DEK: variants seen among roughly 807,000 people sequenced by gnomAD.
DEK encodes the protein DEK proto-oncogene.
DEK carries 28 observed loss-of-function variants against 46.8 expected under a neutral mutation model. That is an observed-to-expected ratio of 0.60 (90% CI 0.44 to 0.82). The LOEUF (loss-of-function observed/expected upper bound fraction) is 0.82, where lower values mean the gene tolerates loss of function less well. Among genes scored for constraint, DEK ranks in the 40% least tolerant of loss-of-function variants. The probability of loss-of-function intolerance (pLI) is 0.00; values close to 1 mark genes in which losing one functional copy is unlikely to be tolerated. For synonymous variants in DEK, 160 were observed against 144.5 expected (o/e 1.11, Z -0.77); for missense variants, 416 against 430.6 (o/e 0.97, Z 0.30).
chr6:18,252,509 C>CAAT (rs1791425353), intron 6 of DEK, among the ~76,000 whole-genome samples: 1 of 29,144 alleles, frequency 3.4e-5, no homozygotes, highest in African/African-American at 1.2e-4. Flanking sequence ...ACGCTGTCTC[C>CAAT]AAAAAAAAAA....
Position 18,223,900 on chromosome 6 carries a change from T to TC in DEK, c.*1818dup, listed in dbSNP as rs1195391200. The TC allele has an allele frequency of 1.3e-5, 2 of 152,226 alleles. No individual in the cohort carries two copies. The highest frequency in any genetic ancestry group is 4.8e-5 in the African/African-American group (2 of 41,442). 9.4% of individuals were successfully genotyped at this position (152,226 alleles called of 1,614,324 possible). ...ACATCCATTTAATAAGTGTGCGTAC[T>TC]CATCAAGAACTTTCATACAGAACAA... On this transcript the variant is annotated 3_prime_UTR_variant, in exon 11 of 11. Transcript: ENST00000652689.
intron 6 of DEK, among the ~76,000 whole-genome samples, chr6:18,251,851 G>A (rs1008327160): frequency 6.6e-6 from 1 of 151,822 alleles, no homozygotes; most frequent in South Asian, 2.1e-4. Context: ...ATTAGTATGA[G>A]GACTGAAACA....
chr6:18,253,517 G>A (rs1000780075), intron 6 of DEK, among the ~76,000 whole-genome samples: 4 of 151,984 alleles, frequency 2.6e-5, no homozygotes, highest in South Asian at 4.1e-4. Flanking sequence ...ATTTACAAGC[G>A]GTAAATGCAT....
chr6:18,237,527 A>C lies in DEK; in HGVS notation c.763-11T>G. The stretch of plus-strand genomic sequence containing the variant: ...TGTCTTTTTTGGTGGCTGTTACAAA[A>C]GAAAGTAAAAGTACACATATTGATG... On this transcript the variant is annotated splice_polypyrimidine_tract_variant and intron_variant, in intron 7 of 10. Coordinates refer to ENST00000652689, the MANE Select transcript of DEK (RefSeq NM_003472.4). 1 of 1,597,006 alleles carries C rather than the reference A, an allele frequency of 6.3e-7. No individual in the cohort carries two copies. The highest frequency in any genetic ancestry group is 1.1e-5 in the South Asian group (1 of 88,476).
intron 7 of DEK, among the ~76,000 whole-genome samples, chr6:18,249,304 T>C (rs539367935): frequency 1.3e-5 from 2 of 152,298 alleles, no homozygotes; most frequent in East Asian, 3.9e-4. Flanking sequence ...AGTATCAATA[T>C]ATTACGAAAA....
At chr6:18,233,643 G>A (rs1305466714) in intron 9 of DEK, among the ~76,000 whole-genome samples, 2 of 152,118 alleles carry the variant, frequency 1.3e-5, no homozygotes, top group African/African-American at 4.8e-5. Context: ...AAAACCACAA[G>A]GAGATACCAT....
At chr6:18,234,897 T>A (rs1181944079) in intron 9 of DEK, among the ~76,000 whole-genome samples, 3 of 152,198 alleles carry the variant, frequency 2.0e-5, no homozygotes. Context: ...TTAATAACTC[T>A]TGCTTTTACC....
chr6:18,253,692 T>C (rs1300564745), intron 6 of DEK, among the ~76,000 whole-genome samples: 3 of 152,162 alleles, frequency 2.0e-5, no homozygotes, highest in Non-Finnish European at 4.4e-5. Flanking sequence ...TTAAAAATAT[T>C]CTTTTTATGT....
chr6:18,256,207 A>G (rs1791588780), intron 5 of DEK, among the ~76,000 whole-genome samples, 154 bp downstream of exon 5: 1 of 151,980 alleles, frequency 6.6e-6, no homozygotes, highest in Non-Finnish European at 1.5e-5. Context: ...GGCTGGTCTC[A>G]AACTCCTGAC....
rs1219131128 is a variant in DEK at position 18,224,664 on chromosome 6, C to T, written c.*1055G>A. The T allele has an allele frequency of 4.8e-6, 1 of 209,696 alleles. No individual in the cohort carries two copies. The highest frequency in any genetic ancestry group is 7.2e-5 in the East Asian group (1 of 13,904). The allele number at this position is 209,696 out of a possible 1,614,324, so 13.0% of individuals were successfully genotyped here. ...ACTTTGTCAGAGACATCCACGATTG[C>T]CTGCACATTATATTCTGGCATTATA... On this transcript the variant is annotated 3_prime_UTR_variant, in exon 11 of 11. Transcript: ENST00000652689.
At chr6:18,227,355 T>C (rs954224875) in intron 9 of DEK, among the ~76,000 whole-genome samples, 1 of 152,344 alleles carries the variant, frequency 6.6e-6, no homozygotes, top group South Asian at 2.1e-4. Context: ...GCAGTAATAC[T>C]GTAAGGCATT....
At chr6:18,264,243 T>C (rs922268452) in intron 1 of DEK, 142 bp downstream of exon 1, 313 of 273,444 alleles carry the variant, frequency 1.1e-3, no homozygotes, top group South Asian at 1.9e-3. Flanking sequence ...CCGCCCGGCC[T>C]GCGCTGTTCC....
At chr6:18,230,223 A>T (rs1790349063) in intron 9 of DEK, among the ~76,000 whole-genome samples, 1 of 152,208 alleles carries the variant, frequency 6.6e-6, no homozygotes, top group Non-Finnish European at 1.5e-5. Context: ...GAGCTCCTGA[A>T]GGAAGCACTA....
intron 9 of DEK, among the ~76,000 whole-genome samples, chr6:18,236,195 G>A (rs1188737960): frequency 6.6e-6 from 1 of 152,136 alleles, no homozygotes; most frequent in Non-Finnish European, 1.5e-5. Flanking sequence ...TTCCTATGTG[G>A]TTTGGAATGT....
chr6:18,228,166 T>C (rs1190622582), intron 9 of DEK, among the ~76,000 whole-genome samples: 4 of 152,214 alleles, frequency 2.6e-5, no homozygotes. Context: ...AGTTTCAATT[T>C]TGCCAGTCAG....
intron 7 of DEK, chr6:18,244,478 C>G (rs893439741): frequency 8.2e-7 from 1 of 1,212,728 alleles, no homozygotes; most frequent in African/African-American, 1.6e-5. Flanking sequence ...TGAAGGAAGG[C>G]AAAAAAAATC....
intron 5 of DEK, 106 bp from the exon 6 acceptor site, chr6:18,255,957 T>G: frequency 7.6e-7 from 1 of 1,318,246 alleles, no homozygotes; most frequent in South Asian, 1.7e-5. Flanking sequence ...TTACATACAT[T>G]TAAAAAAGTG....
At chr6:18,249,568 G>A (rs1023667740) in intron 7 of DEK, 83 bp downstream of exon 7, 50 of 1,414,054 alleles carry the variant, frequency 3.5e-5, no homozygotes, top group Admixed American at 2.9e-4. Flanking sequence ...ATAAGGAAGT[G>A]TTTTCTGGCT....
chr6:18,252,034 A>G (rs960037197), intron 6 of DEK, among the ~76,000 whole-genome samples: 2 of 152,226 alleles, frequency 1.3e-5, no homozygotes, highest in African/African-American at 4.8e-5. Flanking sequence ...AAATAGTTAA[A>G]TCTATTAATC....
Sources: gnomAD v4.1 joint callset for allele counts (sites outside exome capture counted in the v4.1 genomes callset) on GRCh38, gnomAD v4.1.1 for gene constraint, MANE v1.5 for transcripts, NCBI Gene and HGNC (gene_info 2026-07-23, HGNC 2026-07-21) for gene names.